The following FRMPD4 variants were observed in gnomAD, a reference collection of about 807,000 sequenced individuals.
The protein encoded by FRMPD4 is FERM and PDZ domain containing 4, also known as FERM and PDZ domain-containing protein 4.
A neutral mutation model predicts 94.1 loss-of-function variants in FRMPD4; 22 were observed. That is an observed-to-expected ratio of 0.23 (90% CI 0.17 to 0.33). The LOEUF is 0.33. Among genes scored for constraint, FRMPD4 ranks in the 10% least tolerant of loss-of-function variants. The pLI, the probability that FRMPD4 is intolerant of heterozygous loss-of-function variation, is 1.00. For missense variants in FRMPD4, 1,111 were observed against 1,339.9 expected (o/e 0.83, Z 2.67); for synonymous variants, 631 against 548.6 (o/e 1.15, Z -2.10).
intron 2 of FRMPD4, among the ~76,000 whole-genome samples, chrX:12,590,237 C>T (rs1238240593): frequency 1.8e-5 from 2 of 112,215 alleles, no homozygotes; most frequent in Non-Finnish European, 3.8e-5. Flanking sequence ...ATTTCCTCCT[C>T]AGCGTCAATA....
chrX:12,293,602 T>A (rs762016520), intron 1 of FRMPD4, among the ~76,000 whole-genome samples: 2 of 112,821 alleles, frequency 1.8e-5, no homozygotes, highest in Non-Finnish European at 3.7e-5. Context: ...TTAGGTAATT[T>A]TGCTTGAATT....
chrX:12,480,901 T>C (rs1372532806), intron 1 of FRMPD4, among the ~76,000 whole-genome samples: 1 of 112,172 alleles, frequency 8.9e-6, no homozygotes, highest in Non-Finnish European at 1.9e-5. Flanking sequence ...TAGCGGTTGA[T>C]CAGTTTTGCA....
At chrX:12,544,530 T>A (rs2058454376) in intron 2 of FRMPD4, among the ~76,000 whole-genome samples, 1 of 112,018 alleles carries the variant, frequency 8.9e-6, no homozygotes, top group East Asian at 2.8e-4. Context: ...AGTTGAAAGC[T>A]ATGTGGGCAT....
intron 3 of FRMPD4, among the ~76,000 whole-genome samples, chrX:12,042,247 A>C (rs2054760240): frequency 9.3e-6 from 1 of 107,845 alleles, no homozygotes. Flanking sequence ...TGTGGGAAAC[A>C]CTTTCCTATT....
intron 4 of FRMPD4, among the ~76,000 whole-genome samples, chrX:12,632,602 G>A (rs2059405955): frequency 8.9e-6 from 1 of 111,979 alleles, no homozygotes; most frequent in Admixed American, 9.4e-5. Context: ...CAAAATGGCA[G>A]CTCATTTATG....
chrX:12,159,308 C>T (rs1023442575), intron 1 of FRMPD4, among the ~76,000 whole-genome samples: 10 of 111,971 alleles, frequency 8.9e-5, no homozygotes, highest in African/African-American at 2.9e-4. Flanking sequence ...TTAGTGAGAA[C>T]CTGTTCTGAG....
At chrX:12,233,976 A>ATTT (rs1358482215) in intron 1 of FRMPD4, among the ~76,000 whole-genome samples, 12 of 86,108 alleles carry the variant, frequency 1.4e-4, no homozygotes, top group East Asian at 8.3e-4. Flanking sequence ...AGAATGAATG[A>ATTT]ATTATTTATT....
intron 3 of FRMPD4, among the ~76,000 whole-genome samples, chrX:11,917,231 C>A (rs780463947): frequency 8.9e-6 from 1 of 111,806 alleles, no homozygotes; most frequent in South Asian, 3.7e-4. Flanking sequence ...CTTAAAAATT[C>A]AAAAAATAAC....
chrX:12,639,887 T>G (rs1432643981), intron 4 of FRMPD4, among the ~76,000 whole-genome samples: 2 of 111,607 alleles, frequency 1.8e-5, no homozygotes, highest in Non-Finnish European at 3.8e-5. Flanking sequence ...AGTGGGACAA[T>G]GGACTGGGAA....
chrX:11,988,439 A>G (rs2054445503), intron 3 of FRMPD4, among the ~76,000 whole-genome samples: 1 of 112,279 alleles, frequency 8.9e-6, no homozygotes, highest in Non-Finnish European at 1.9e-5. Flanking sequence ...AAATCAAATC[A>G]AAATGGATTA....
chrX:12,308,618 C>G (rs1414668254), intron 1 of FRMPD4, among the ~76,000 whole-genome samples: 2 of 111,156 alleles, frequency 1.8e-5, no homozygotes, highest in Non-Finnish European at 3.8e-5. Flanking sequence ...CCTGATGAAG[C>G]GTGCCACAAC....
chrX:12,275,524 A>C (rs1342971121), intron 1 of FRMPD4, among the ~76,000 whole-genome samples: 1 of 110,574 alleles, frequency 9.0e-6, no homozygotes, highest in African/African-American at 3.3e-5. Flanking sequence ...AGGAGCTTTC[A>C]TGGGAAAGAT....
At chrX:12,184,979 A>G (rs2056405883) in intron 1 of FRMPD4, among the ~76,000 whole-genome samples, 1 of 111,454 alleles carries the variant, frequency 9.0e-6, no homozygotes. Flanking sequence ...TACATTTAAA[A>G]ATAACTAAAA....
chrX:12,260,243 C>T (rs1356059454), intron 1 of FRMPD4, among the ~76,000 whole-genome samples: 3 of 111,116 alleles, frequency 2.7e-5, no homozygotes, highest in Non-Finnish European at 5.7e-5. Context: ...AATCTCTTAC[C>T]TGAATTTCAG....
intron 1 of FRMPD4, among the ~76,000 whole-genome samples, chrX:12,212,448 G>T (rs759791694): frequency 2.0e-4 from 22 of 111,145 alleles, no homozygotes; most frequent in Non-Finnish European, 4.0e-4. Context: ...TGGCTCTGTA[G>T]TTAGGAACAG....
At chrX:12,624,135 T>C (rs980183402) in intron 4 of FRMPD4, among the ~76,000 whole-genome samples, 1 of 112,486 alleles carries the variant, frequency 8.9e-6, no homozygotes, top group Admixed American at 9.4e-5. Flanking sequence ...AATGCTACAG[T>C]GAGTTCTTCA....
intron 3 of FRMPD4, among the ~76,000 whole-genome samples, chrX:12,029,155 G>A (rs2054677631): frequency 8.9e-6 from 1 of 112,115 alleles, no homozygotes; most frequent in Non-Finnish European, 1.9e-5. Context: ...TGTTGATAAT[G>A]TTCTGGATTT....
chrX:12,001,567 A>T (rs978522210), intron 3 of FRMPD4, among the ~76,000 whole-genome samples: 6 of 112,053 alleles, frequency 5.4e-5, no homozygotes, highest in African/African-American at 1.9e-4. Flanking sequence ...ATCTCCTCCA[A>T]CACAGAGTGC....
intron 2 of FRMPD4, among the ~76,000 whole-genome samples, chrX:12,563,423 C>T (rs775118076): frequency 8.9e-6 from 1 of 112,089 alleles, no homozygotes; most frequent in South Asian, 3.7e-4. Flanking sequence ...ACCATCTGTC[C>T]ATCACCCTTT....
Sources: gnomAD v4.1 joint callset for allele counts (sites outside exome capture counted in the v4.1 genomes callset) on GRCh38, gnomAD v4.1.1 for gene constraint, MANE v1.5 for transcripts, NCBI Gene and HGNC (gene_info 2026-07-23, HGNC 2026-07-21) for gene names.